The following ADCY8 variants were observed in gnomAD, a reference collection of about 807,000 sequenced individuals.
ADCY8 encodes adenylate cyclase 8.
Under a neutral mutation model 119.7 loss-of-function variants are expected in ADCY8, and 51 were observed. The ratio of observed to expected loss-of-function variants is 0.43; its 90% CI spans 0.34 to 0.54. The LOEUF is 0.54. Among genes scored for constraint, ADCY8 ranks in the 20% least tolerant of loss-of-function variants. The probability of loss-of-function intolerance (pLI) is 0.03; values close to 1 mark genes in which losing one functional copy is unlikely to be tolerated. For synonymous variants in ADCY8, 665 were observed against 651.0 expected (o/e 1.02, Z -0.33); for missense variants, 1,383 against 1,598.8 (o/e 0.87, Z 2.30).
chr8:130,944,572 T>G (rs55670625), intron 3 of ADCY8, among the ~76,000 whole-genome samples: 41,990 of 152,102 alleles, frequency 0.28, 8,851 homozygotes, highest in African/African-American at 0.6. Context: ...GTCACCACAT[T>G]TATTCAATAA....
chr8:130,932,045 A>T (rs180864527), intron 5 of ADCY8, among the ~76,000 whole-genome samples: 55 of 152,262 alleles, frequency 3.6e-4, no homozygotes, highest in Non-Finnish European at 4.1e-4. Flanking sequence ...GCTCAGTTGA[A>T]TAAGTAAGTC....
intron 12 of ADCY8, among the ~76,000 whole-genome samples, chr8:130,832,851 C>T (rs927207338): frequency 2.0e-5 from 3 of 152,172 alleles, no homozygotes; most frequent in Non-Finnish European, 2.9e-5. Flanking sequence ...CAAATAACAG[C>T]CTCACAGCAG....
chr8:131,014,407 C>A (rs551133942), intron 1 of ADCY8, among the ~76,000 whole-genome samples: 1 of 152,250 alleles, frequency 6.6e-6, no homozygotes, highest in South Asian at 2.1e-4. Flanking sequence ...CATAAAATAT[C>A]TTTAGCCCAT....
At chr8:130,832,632 G>A (rs1047162445) in intron 12 of ADCY8, among the ~76,000 whole-genome samples, 15 of 152,126 alleles carry the variant, frequency 9.9e-5, no homozygotes, top group African/African-American at 3.6e-4. Flanking sequence ...ACTAGCCAAT[G>A]ATTGTTCTCA....
At chr8:130,957,078 G>C (rs1821450975) in intron 2 of ADCY8, among the ~76,000 whole-genome samples, 1 of 152,208 alleles carries the variant, frequency 6.6e-6, no homozygotes, top group Non-Finnish European at 1.5e-5. Flanking sequence ...CTGGGTAACA[G>C]GCAGAGGTTG....
At chr8:130,939,759 C>T (rs1820902092) in intron 4 of ADCY8, among the ~76,000 whole-genome samples, 1 of 152,196 alleles carries the variant, frequency 6.6e-6, no homozygotes, top group African/African-American at 2.4e-5. Context: ...CATTACTTAA[C>T]AATGACAATG....
At chr8:131,004,108 C>T (rs887419762) in intron 1 of ADCY8, among the ~76,000 whole-genome samples, 6 of 152,096 alleles carry the variant, frequency 3.9e-5, no homozygotes, top group Non-Finnish European at 7.4e-5. Context: ...GGAAGATTTG[C>T]AAGAGTGAAG....
chr8:131,022,128 T>A (rs188457665), intron 1 of ADCY8, among the ~76,000 whole-genome samples: 23 of 152,304 alleles, frequency 1.5e-4, no homozygotes, highest in Middle Eastern at 3.4e-3. Context: ...ATCTGTTTTT[T>A]TTATTATTAT....
At chr8:130,920,823 G>T (rs1366940581) in intron 5 of ADCY8, among the ~76,000 whole-genome samples, 3 of 152,130 alleles carry the variant, frequency 2.0e-5, no homozygotes, top group South Asian at 2.1e-4. Flanking sequence ...ACAGTTGAAG[G>T]CCTTAAGAGA....
chr8:130,803,428 T>G (rs143996330), intron 14 of ADCY8, among the ~76,000 whole-genome samples: 15 of 152,246 alleles, frequency 9.9e-5, no homozygotes, highest in Non-Finnish European at 2.1e-4. Context: ...AAAAACCACA[T>G]GCCATTCATC....
chr8:130,820,357 C>T (rs1032082087), intron 13 of ADCY8, among the ~76,000 whole-genome samples: 4 of 152,128 alleles, frequency 2.6e-5, no homozygotes, highest in Admixed American at 1.3e-4. Context: ...CTGACAGTCT[C>T]CTTGCTGTGC....
rs193042914 is a variant in ADCY8, at chr8:130,958,684, T to C, written c.1111-6686A>G. Among the ~76,000 whole-genome samples the C allele has an allele frequency of 7.2e-3, 1,097 of 152,250 alleles. 18 individuals carry two copies. The highest frequency in any genetic ancestry group is 0.024 in the African/African-American group (1,012 of 41,540). On this transcript the variant is annotated intron_variant, in intron 2 of 17. Transcript: ENST00000286355. ...ATTATTCACTAACAGGAGAACAGTA[T>C]GGGGGAAACTGCCCCTATGATTTAG...
intron 1 of ADCY8, among the ~76,000 whole-genome samples, chr8:131,022,171 C>T (rs920370232): frequency 2.0e-5 from 3 of 152,136 alleles, no homozygotes; most frequent in Non-Finnish European, 2.9e-5. Context: ...ATTTGCACAA[C>T]GTGCAGTTTT....
chr8:131,040,508 C>A lies in ADCY8; in HGVS notation c.-175G>T. The stretch of plus-strand genomic sequence containing the variant: ...CCTGTAGGTCGGGTCATACTGTGCC[C>A]AGGGGCAAAGGGCACCTGGAAGATC... On this transcript the variant is annotated 5_prime_UTR_variant, in exon 1 of 18. Coordinates refer to ENST00000286355, the MANE Select transcript of ADCY8 (RefSeq NM_001115.3). The A allele has an allele frequency of 1.4e-6, 1 of 704,658 alleles. No homozygotes were observed. Among genetic ancestry groups the A allele is most frequent in the Non-Finnish European group, 2.0e-6 (1 of 497,932 alleles). The allele number at this position is 704,658 out of a possible 1,614,324, so 43.7% of individuals were successfully genotyped here. A position where few individuals can be genotyped will look rare whatever the true frequency, so the allele number is the denominator to read the frequency against.
intron 1 of ADCY8, among the ~76,000 whole-genome samples, chr8:131,002,643 T>G: frequency 6.6e-6 from 1 of 151,222 alleles, no homozygotes; most frequent in East Asian, 1.9e-4. Context: ...GTAGTAAACT[T>G]AAGTAAAAAT....
At chr8:130,860,696 C>T (rs1385183192) in intron 9 of ADCY8, among the ~76,000 whole-genome samples, 1 of 152,104 alleles carries the variant, frequency 6.6e-6, no homozygotes, top group Non-Finnish European at 1.5e-5. Context: ...CATAGGTATA[C>T]ATCTGCCATG....
intron 5 of ADCY8, among the ~76,000 whole-genome samples, chr8:130,910,823 G>A (rs7461303): frequency 0.11 from 16,746 of 152,192 alleles, 943 homozygotes; most frequent in Non-Finnish European, 0.12. Context: ...AGTCATGAGC[G>A]TTCTTTCTTT....
intron 2 of ADCY8, among the ~76,000 whole-genome samples, chr8:130,971,735 G>T (rs1285680301): frequency 6.6e-6 from 1 of 152,188 alleles, no homozygotes; most frequent in Non-Finnish European, 1.5e-5. Context: ...AGCACAAGCA[G>T]ACTTTAGCTA....
intron 9 of ADCY8, among the ~76,000 whole-genome samples, chr8:130,857,645 C>T (rs563028494): frequency 6.2e-4 from 95 of 152,232 alleles, no homozygotes; most frequent in Non-Finnish European, 1.1e-3. Context: ...AGGTGGTGTG[C>T]GCCCCCACCA....
Sources: gnomAD v4.1 joint callset for allele counts (sites outside exome capture counted in the v4.1 genomes callset) on GRCh38, gnomAD v4.1.1 for gene constraint, MANE v1.5 for transcripts, NCBI Gene and HGNC (gene_info 2026-07-23, HGNC 2026-07-21) for gene names.